Variants in DNAH7 observed in about 807,000 individuals in gnomAD.
DNAH7 encodes the protein axonemal beta dynein heavy chain 7.
A neutral mutation model predicts 444.6 loss-of-function variants in DNAH7; 397 were observed. The observed-to-expected ratio is 0.89, with a 90% CI of 0.82 to 0.97. The LOEUF (loss-of-function observed/expected upper bound fraction) is 0.97. Among genes scored for constraint, DNAH7 ranks in the 50% least tolerant of loss-of-function variants. The pLI, the probability that DNAH7 is intolerant of heterozygous loss-of-function variation, is 0.00. For missense variants in DNAH7, 4,902 were observed against 4,800.8 expected, an observed-to-expected ratio of 1.02 and a Z score of -0.62; for synonymous variants, 1,636 against 1,624.4, an observed-to-expected ratio of 1.01 and a Z score of -0.17.
intron 58 of DNAH7, among the ~76,000 whole-genome samples, chr2:195,783,136 C>T (rs1351184102): frequency 6.6e-6 from 1 of 152,160 alleles, no homozygotes; most frequent in East Asian, 1.9e-4. Context: ...TCACATCAAC[C>T]AAGGCTTCTC....
At chr2:196,040,365 T>C (rs537840812) in intron 5 of DNAH7, among the ~76,000 whole-genome samples, 51 of 152,122 alleles carry the variant, frequency 3.4e-4, no homozygotes, top group African/African-American at 1.2e-3. Flanking sequence ...AAAAAGATAA[T>C]ATACCACAAT....
intron 5 of DNAH7, among the ~76,000 whole-genome samples, chr2:196,028,726 A>G (rs1381646047): frequency 6.6e-6 from 1 of 152,196 alleles, no homozygotes; most frequent in Non-Finnish European, 1.5e-5. Flanking sequence ...TAACCTCTTT[A>G]TAATTGACTG....
At chr2:195,837,826 A>C (rs1384302918) in intron 47 of DNAH7, among the ~76,000 whole-genome samples, 2 of 152,162 alleles carry the variant, frequency 1.3e-5, no homozygotes, top group Non-Finnish European at 2.9e-5. Context: ...CACAGAATGT[A>C]AGGGAAATCC....
In DNAH7 at chr2:195,754,519, G is replaced by C. The variant is rs769244882; in HGVS notation, c.11587-5C>G. 2 of 1,612,412 alleles carry C rather than the reference G, an allele frequency of 1.2e-6. No individual in the cohort carries two copies. The highest frequency in any genetic ancestry group is 1.7e-5 in the Admixed American group (1 of 59,756). On this transcript the variant is annotated splice_polypyrimidine_tract_variant and splice_region_variant and intron_variant, in intron 62 of 64. Coordinates refer to ENST00000312428, the MANE Select transcript of DNAH7 (RefSeq NM_018897.3). ...AGGACCAACCTCATACCATTGCTAG[G>C]GTGTAAAACACAAGTGGGCTAACAG... is the stretch of plus-strand genomic sequence containing the variant.
Position 196,068,712 on chromosome 2 carries a change from G to C in DNAH7, c.-1C>G. 6.4e-7 allele frequency: 1 copy of C among 1,551,578 alleles called. No individual in the cohort carries two copies. Among genetic ancestry groups the C allele is most frequent in the East Asian group, 2.4e-5 (1 of 41,074 alleles). On this transcript the variant is annotated 5_prime_UTR_variant, in exon 1 of 65. Coordinates refer to ENST00000312428, the MANE Select transcript of DNAH7 (RefSeq NM_018897.3). Reference sequence around the variant, plus strand: ...GCCCTCTCACCTGCTCACTGCTCATGGCTGCGAGGACGCGCTGGCCTCACC... The same window carrying C: ...GCCCTCTCACCTGCTCACTGCTCATCGCTGCGAGGACGCGCTGGCCTCACC...
At chr2:196,024,296 G>T in intron 8 of DNAH7, 133 bp downstream of exon 8, 1 of 521,508 alleles carries the variant, frequency 1.9e-6, no homozygotes, top group Non-Finnish European at 3.1e-6. Flanking sequence ...GCCTGTATAT[G>T]AAATACATAC....
At chr2:195,877,087 T>G (rs889872896) in intron 36 of DNAH7, among the ~76,000 whole-genome samples, 2 of 152,212 alleles carry the variant, frequency 1.3e-5, no homozygotes, top group African/African-American at 4.8e-5. Context: ...AAGCGATCTT[T>G]CTGTAAGTTA....
intron 64 of DNAH7, among the ~76,000 whole-genome samples, chr2:195,739,442 T>C (rs1367454636): frequency 6.6e-6 from 1 of 152,236 alleles, no homozygotes; most frequent in African/African-American, 2.4e-5. Flanking sequence ...ATCCCAGATC[T>C]ACCCTTCAAA....
At chr2:196,024,259 A>G (rs1695545368) in intron 8 of DNAH7, among the ~76,000 whole-genome samples, 170 bp downstream of exon 8, 2 of 152,208 alleles carry the variant, frequency 1.3e-5, no homozygotes, top group African/African-American at 4.8e-5. Flanking sequence ...GAAGCACAAT[A>G]AAGCAAAGTG....
At chr2:196,020,099 G>A (rs979040100) in intron 8 of DNAH7, among the ~76,000 whole-genome samples, 3 of 152,016 alleles carry the variant, frequency 2.0e-5, no homozygotes, top group Non-Finnish European at 4.4e-5. Flanking sequence ...TCTTTCTTAT[G>A]ATTTTGTTAA....
At chr2:196,067,819 A>T (rs895422811) in intron 1 of DNAH7, among the ~76,000 whole-genome samples, 1 of 152,262 alleles carries the variant, frequency 6.6e-6, no homozygotes. Context: ...TTGCAGGCTT[A>T]AAAACAACTG....
intron 52 of DNAH7, 60 bp from the exon 53 acceptor site, chr2:195,808,936 T>C: frequency 2.1e-6 from 3 of 1,431,448 alleles, no homozygotes; most frequent in Non-Finnish European, 2.9e-6. Context: ...CTAGTAAGCT[T>C]ACAACCATTA....
At chr2:195,880,408 A>G (rs1031855503) in intron 36 of DNAH7, among the ~76,000 whole-genome samples, 3 of 148,556 alleles carry the variant, frequency 2.0e-5, no homozygotes, top group Non-Finnish European at 4.4e-5. Context: ...GGCTCACTGC[A>G]AGCTCCACCT....
chr2:195,774,949 T>A (rs1051383681), intron 60 of DNAH7, among the ~76,000 whole-genome samples: 36 of 152,224 alleles, frequency 2.4e-4, no homozygotes, highest in Admixed American at 1.5e-3. Flanking sequence ...TGGACTAATT[T>A]CCTTTCAAAA....
chr2:196,052,745 G>T lies in DNAH7; in HGVS notation c.79-1496C>A, dbSNP rs375593380. Among the ~76,000 whole-genome samples the T allele has an allele frequency of 8.9e-4, 136 of 152,306 alleles. 1 individual carries two copies. The highest frequency in any genetic ancestry group is 2.3e-3 in the South Asian group (11 of 4,822). On this transcript the variant is annotated intron_variant, in intron 2 of 64. Transcript: ENST00000312428. ...TCTAAGAACGTTTCAAAAAGAAAAAGGGTGGAGCTAAGCCTTAAAGCATAC... is the reference window on the plus strand; with the variant it reads ...TCTAAGAACGTTTCAAAAAGAAAAATGGTGGAGCTAAGCCTTAAAGCATAC...
intron 36 of DNAH7, among the ~76,000 whole-genome samples, chr2:195,880,219 C>T (rs894841812): frequency 7.9e-5 from 12 of 152,100 alleles, no homozygotes; most frequent in African/African-American, 2.9e-4. Context: ...TCAAAAAAAT[C>T]AACAATTCCA....
intron 19 of DNAH7, among the ~76,000 whole-genome samples, chr2:195,955,931 T>A (rs1470568829): frequency 6.6e-6 from 1 of 152,132 alleles, no homozygotes; most frequent in Non-Finnish European, 1.5e-5. Context: ...GATGATTGTG[T>A]TACAAAGCAA....
chr2:195,946,704 A>G (rs1689833232), intron 19 of DNAH7, among the ~76,000 whole-genome samples: 1 of 151,488 alleles, frequency 6.6e-6, no homozygotes, highest in South Asian at 2.1e-4. Flanking sequence ...TCTCCCTCTT[A>G]CTTTCTCTCT....
chr2:195,870,278 T>A (rs79177056), intron 40 of DNAH7, among the ~76,000 whole-genome samples: 1 of 152,086 alleles, frequency 6.6e-6, no homozygotes, highest in African/African-American at 2.4e-5. Flanking sequence ...CAGGTGATGT[T>A]CAATGTTATG....
Sources: allele counts gnomAD v4.1 joint callset (sites outside exome capture counted in the v4.1 genomes callset), GRCh38; gene constraint gnomAD v4.1.1; transcripts MANE v1.5; gene names NCBI Gene and HGNC (gene_info 2026-07-23, HGNC 2026-07-21).